Variants in SHQ1 observed in about 807,000 individuals in gnomAD.
SHQ1 encodes SHQ1, H/ACA ribonucleoprotein assembly factor, also known as protein SHQ1 homolog.
A neutral mutation model predicts 53.8 loss-of-function variants in SHQ1; 49 were observed. The observed-to-expected ratio is 0.91, with a 90% CI of 0.72 to 1.16. The LOEUF is 1.16. Among genes scored for constraint, SHQ1 ranks in the 50% most tolerant of loss-of-function variants. The probability of loss-of-function intolerance (pLI) is 0.00; values close to 1 mark genes in which losing one functional copy is unlikely to be tolerated. For missense variants in SHQ1, 738 were observed against 683.1 expected, an observed-to-expected ratio of 1.08 and a Z score of -0.90; for synonymous variants, 243 against 251.0, an observed-to-expected ratio of 0.97 and a Z score of 0.30.
At chr3:72,773,503 A>G (rs1705897228) in intron 10 of SHQ1, 2 of 261,786 alleles carry the variant, frequency 7.6e-6, no homozygotes, top group African/African-American at 2.4e-5. Flanking sequence ...AAAAAGAAAA[A>G]AAAGAACTTC....
chr3:72,789,136 G>C, intron 10 of SHQ1, among the ~76,000 whole-genome samples: 1 of 151,222 alleles, frequency 6.6e-6, no homozygotes, highest in Admixed American at 6.6e-5. Context: ...AAATGCATTG[G>C]GAAACAAATA....
intron 4 of SHQ1, among the ~76,000 whole-genome samples, chr3:72,836,565 T>C (rs1273200150): frequency 6.6e-6 from 1 of 152,078 alleles, no homozygotes; most frequent in Non-Finnish European, 1.5e-5. Context: ...TCCACTATAG[T>C]CATGCAACAT....
Position 72,804,737 on chromosome 3 carries a change from A to G in SHQ1, c.1060+7934T>C, listed in dbSNP as rs142071764. Among the ~76,000 whole-genome samples, 1,150 of 152,292 alleles carry G rather than the reference A, an allele frequency of 7.6e-3. 20 individuals are homozygous for G. Among genetic ancestry groups the G allele is most frequent in the African/African-American group, 0.026 (1,083 of 41,562 alleles). ...GGGATATGGTGGCTCACACCTGTCAACCAGCACTTTGGGAGGCTGAGGCAG... is the reference window on the plus strand; with the variant it reads ...GGGATATGGTGGCTCACACCTGTCAGCCAGCACTTTGGGAGGCTGAGGCAG... On this transcript the variant is annotated intron_variant, in intron 9 of 10. Transcript: ENST00000325599.
chr3:72,829,838 T>C (rs2106916820), intron 5 of SHQ1, among the ~76,000 whole-genome samples: 1 of 152,320 alleles, frequency 6.6e-6, no homozygotes, highest in East Asian at 1.9e-4. Context: ...CAAGATTTTA[T>C]GAACTGGTTA....
chr3:72,729,211 G>A, the SHQ1 span, among the ~76,000 whole-genome samples: 3 of 152,160 alleles, frequency 2.0e-5, no homozygotes, highest in Admixed American at 6.5e-5. Context: ...CCCTGGATTC[G>A]TTAGTGGCTC....
At chr3:72,808,474 A>G (rs932095329) in intron 9 of SHQ1, among the ~76,000 whole-genome samples, 4 of 152,158 alleles carry the variant, frequency 2.6e-5, no homozygotes, top group Admixed American at 1.3e-4. Flanking sequence ...TACTAGCTGT[A>G]AGACCCTGGG....
intron 9 of SHQ1, among the ~76,000 whole-genome samples, chr3:72,808,065 G>A (rs533419370): frequency 6.6e-5 from 10 of 152,092 alleles, no homozygotes; most frequent in Non-Finnish European, 4.4e-5. Context: ...AATTGTATAC[G>A]TTTTTCTTAG....
At chr3:72,743,510 C>T in the SHQ1 span, among the ~76,000 whole-genome samples, 1 of 152,216 alleles carries the variant, frequency 6.6e-6, no homozygotes, top group South Asian at 2.1e-4. Flanking sequence ...GAAAGACACA[C>T]TTGATCTTCC....
chr3:72,848,242 G>A lies in SHQ1; in HGVS notation c.99C>T (p.Phe33=), dbSNP rs372394572. The part of the protein sequence containing the change: ...YARVSEFDVY[F]EGSDFKFYAK... ...CGTAGAACTTGAAGTCAGACCCCTCGAAGTAGACGTCGAACTCGGAGACCC... is the reference window on the plus strand; with the variant it reads ...CGTAGAACTTGAAGTCAGACCCCTCAAAGTAGACGTCGAACTCGGAGACCC... The change falls in exon 1 of 11, where the codon TTC becomes TTT. Residue 33 remains phenylalanine (F), a synonymous_variant. Transcript: ENST00000325599. The A allele has an allele frequency of 6.2e-7, 1 of 1,614,064 alleles. No homozygotes were observed. The highest frequency in any genetic ancestry group is 8.5e-7 in the Non-Finnish European group (1 of 1,180,032).
intron 4 of SHQ1, among the ~76,000 whole-genome samples, chr3:72,838,400 T>C (rs965105160): frequency 2.6e-5 from 4 of 152,232 alleles, no homozygotes; most frequent in African/African-American, 9.6e-5. Flanking sequence ...AGAAAAGCAA[T>C]GCTCTTGCAA....
chr3:72,833,641 A>G (rs575035549), intron 4 of SHQ1, among the ~76,000 whole-genome samples: 1 of 152,346 alleles, frequency 6.6e-6, no homozygotes, highest in South Asian at 2.1e-4. Context: ...TCGAATCCTA[A>G]GAATCAGTTT....
At chr3:72,830,754 T>C (rs1575730746) in intron 5 of SHQ1, among the ~76,000 whole-genome samples, 1 of 152,178 alleles carries the variant, frequency 6.6e-6, no homozygotes, top group East Asian at 1.9e-4. Flanking sequence ...AGAACAGTTC[T>C]TTGAGAAGTG....
intron 10 of SHQ1, among the ~76,000 whole-genome samples, chr3:72,757,114 C>T (rs865946283): frequency 1.3e-5 from 2 of 152,356 alleles, no homozygotes; most frequent in East Asian, 3.9e-4. Flanking sequence ...CTTTTCACCA[C>T]TTCCTGCAAT....
At chr3:72,845,875 G>A (rs1708314286) in intron 1 of SHQ1, among the ~76,000 whole-genome samples, 2 of 152,180 alleles carry the variant, frequency 1.3e-5, no homozygotes, top group Admixed American at 1.3e-4. Flanking sequence ...AGAATAAGGG[G>A]TCAGTTTATG....
intron 10 of SHQ1, among the ~76,000 whole-genome samples, chr3:72,776,330 G>T (rs1209879336): frequency 1.3e-5 from 2 of 152,150 alleles, no homozygotes; most frequent in Non-Finnish European, 2.9e-5. Flanking sequence ...GATATGTTGA[G>T]ATATACAAAT....
At chr3:72,803,092 C>T (rs993772127) in intron 9 of SHQ1, among the ~76,000 whole-genome samples, 4 of 152,148 alleles carry the variant, frequency 2.6e-5, no homozygotes, top group Admixed American at 6.5e-5. Context: ...GAGAAAGACA[C>T]GCTGGCACTT....
chr3:72,751,529 T>TATATATACACACAC (rs1491584090), intron 10 of SHQ1, among the ~76,000 whole-genome samples: 7 of 138,028 alleles, frequency 5.1e-5, no homozygotes, highest in African/African-American at 2.1e-4. Flanking sequence ...TATATATATA[T>TATATATACACACAC]ACATATACAT....
At chr3:72,783,234 A>G (rs1706125187) in intron 10 of SHQ1, among the ~76,000 whole-genome samples, 1 of 152,170 alleles carries the variant, frequency 6.6e-6, no homozygotes, top group Non-Finnish European at 1.5e-5. Context: ...ATAAAGGTAG[A>G]GTATTTTCCA....
intron 3 of SHQ1, among the ~76,000 whole-genome samples, 153 bp from the exon 4 acceptor site, chr3:72,841,352 C>CAAAA (rs751315965): frequency 8.3e-6 from 1 of 119,982 alleles, no homozygotes; most frequent in African/African-American, 3.1e-5. Context: ...TTCGTGACAG[C>CAAAA]AAAAAAAAAA....
Sources: allele counts gnomAD v4.1 joint callset (sites outside exome capture counted in the v4.1 genomes callset), GRCh38; gene constraint gnomAD v4.1.1; transcripts MANE v1.5; gene names NCBI Gene and HGNC (gene_info 2026-07-23, HGNC 2026-07-21).